The following PARN variants were observed in gnomAD, a reference collection of about 807,000 sequenced individuals.
The protein encoded by PARN is poly(A)-specific ribonuclease PARN.
A neutral mutation model predicts 102.8 loss-of-function variants in PARN; 71 were observed. The observed-to-expected ratio is 0.69, with a 90% CI of 0.57 to 0.84. The LOEUF (loss-of-function observed/expected upper bound fraction) is 0.84. Among genes scored for constraint, PARN ranks in the 40% least tolerant of loss-of-function variants. The pLI, the probability that PARN is intolerant of heterozygous loss-of-function variation, is 0.00. For synonymous variants in PARN, 261 were observed against 252.9 expected (o/e 1.03, Z -0.30); for missense variants, 782 against 760.9 (o/e 1.03, Z -0.33).
At chr16:14,447,980 AT>A (rs1961277586) in intron 22 of PARN, among the ~76,000 whole-genome samples, 1 of 146,834 alleles carries the variant, frequency 6.8e-6, no homozygotes, top group East Asian at 1.9e-4. Flanking sequence ...CTATCTATCT[AT>A]CTATCTAATC....
intron 18 of PARN, among the ~76,000 whole-genome samples, chr16:14,565,725 A>T (rs1204471704): frequency 6.6e-6 from 1 of 152,216 alleles, no homozygotes; most frequent in East Asian, 1.9e-4. Flanking sequence ...TGTCCCTTAT[A>T]GACACTGTGT....
chr16:14,459,970 G>A (rs980458793), intron 22 of PARN, among the ~76,000 whole-genome samples: 7 of 151,980 alleles, frequency 4.6e-5, no homozygotes, highest in East Asian at 1.9e-4. Flanking sequence ...CCTCATAACC[G>A]TATATAAAAA....
chr16:14,625,864 T>C (rs1972614966), intron 5 of PARN, among the ~76,000 whole-genome samples: 1 of 152,198 alleles, frequency 6.6e-6, no homozygotes, highest in Admixed American at 6.5e-5. Context: ...GAAGATAGGA[T>C]GCAAGATTTT....
At chr16:14,595,812 C>T (rs887513839) in intron 12 of PARN, among the ~76,000 whole-genome samples, 1 of 151,728 alleles carries the variant, frequency 6.6e-6, no homozygotes, top group Admixed American at 6.6e-5. Flanking sequence ...ATTACAGGAG[C>T]GAGCCACCAC....
At chr16:14,510,636 TTAG>T (rs1965138361) in intron 21 of PARN, among the ~76,000 whole-genome samples, 1 of 152,210 alleles carries the variant, frequency 6.6e-6, no homozygotes, top group African/African-American at 2.4e-5. Flanking sequence ...TTAGCTGGAC[TTAG>T]TTTCTTAATC....
chr16:14,462,964 G>A (rs570497178), intron 22 of PARN, among the ~76,000 whole-genome samples: 33 of 152,350 alleles, frequency 2.2e-4, no homozygotes, highest in South Asian at 8.3e-4. Context: ...ACTGGTTAGA[G>A]AACCCTGGGT....
intron 23 of PARN, among the ~76,000 whole-genome samples, chr16:14,440,145 T>C: frequency 6.6e-6 from 1 of 151,816 alleles, no homozygotes; most frequent in Non-Finnish European, 1.5e-5. Flanking sequence ...TAAAGAACTC[T>C]CAAAATGCAG....
intron 21 of PARN, among the ~76,000 whole-genome samples, chr16:14,549,728 T>A (rs1308450375): frequency 6.6e-6 from 1 of 152,202 alleles, no homozygotes; most frequent in African/African-American, 2.4e-5. Context: ...TACACACTGT[T>A]CACAGCAAGG....
At chr16:14,559,672 C>T (rs1967932745) in intron 18 of PARN, among the ~76,000 whole-genome samples, 1 of 152,148 alleles carries the variant, frequency 6.6e-6, no homozygotes, top group African/African-American at 2.4e-5. Context: ...CCCATAAAAG[C>T]TATTTTTTAA....
intron 21 of PARN, among the ~76,000 whole-genome samples, chr16:14,547,886 T>C (rs373528699): frequency 3.9e-4 from 60 of 152,246 alleles, no homozygotes; most frequent in East Asian, 3.1e-3. Flanking sequence ...ATTTTCTCAA[T>C]GTTACATTAT....
chr16:14,601,488 G>C lies in PARN; in HGVS notation c.784-1528C>G, dbSNP rs114194057. ...AGAGCTGCTTGATTAGTACAGTTTCGGTTTTGCAAGATGAAGAGAATTCTG... is the reference window on the plus strand; with the variant it reads ...AGAGCTGCTTGATTAGTACAGTTTCCGTTTTGCAAGATGAAGAGAATTCTG... On this transcript the variant is annotated intron_variant, in intron 11 of 23. Coordinates refer to ENST00000437198, the MANE Select transcript of PARN (RefSeq NM_002582.4). Among the ~76,000 whole-genome samples, 389 of 152,228 alleles carry C rather than the reference G, an allele frequency of 2.6e-3. 1 individual carries two copies. Among genetic ancestry groups the C allele is most frequent in the African/African-American group, 8.5e-3 (354 of 41,540 alleles).
chr16:14,473,613 G>C (rs1390685189), intron 22 of PARN, among the ~76,000 whole-genome samples: 1 of 152,208 alleles, frequency 6.6e-6, no homozygotes, highest in Non-Finnish European at 1.5e-5. Flanking sequence ...AGAAGAGGCA[G>C]TTAGAGCAGA....
At chr16:14,628,438 C>A (rs1243491832) in intron 2 of PARN, among the ~76,000 whole-genome samples, 187 bp from the exon 3 acceptor site, 1 of 152,152 alleles carries the variant, frequency 6.6e-6, no homozygotes, top group Admixed American at 6.6e-5. Flanking sequence ...TAATAATGAA[C>A]TTAGAGATGC....
chr16:14,569,551 T>C (rs551993400), intron 18 of PARN, among the ~76,000 whole-genome samples: 15 of 152,234 alleles, frequency 9.9e-5, no homozygotes, highest in African/African-American at 3.6e-4. Context: ...AGCTGAGATG[T>C]TGCACAGATA....
At chr16:14,549,501 TAG>T (rs1034110472) in intron 21 of PARN, among the ~76,000 whole-genome samples, 2 of 152,194 alleles carry the variant, frequency 1.3e-5, no homozygotes, top group African/African-American at 2.4e-5. Flanking sequence ...GCTCCCTGAT[TAG>T]AGTTACCACG....
intron 23 of PARN, among the ~76,000 whole-genome samples, chr16:14,438,864 C>T (rs930480242): frequency 1.3e-5 from 2 of 152,076 alleles, no homozygotes; most frequent in African/African-American, 2.4e-5. Context: ...ACAGGAGACC[C>T]GGACCAGAGG....
At chr16:14,472,575 T>G (rs11646874) in intron 22 of PARN, among the ~76,000 whole-genome samples, 12 of 152,046 alleles carry the variant, frequency 7.9e-5, no homozygotes, top group Admixed American at 2.0e-4. Flanking sequence ...GGTGGCGGGT[T>G]AGCAGGAAAA....
At chr16:14,457,933 T>G (rs534862534) in intron 22 of PARN, among the ~76,000 whole-genome samples, 62 of 146,436 alleles carry the variant, frequency 4.2e-4, no homozygotes, top group Admixed American at 5.5e-4. Context: ...TGTGTGTGGG[T>G]GTGTGTGTGT....
chr16:14,478,902 C>G (rs1963223945), intron 22 of PARN, among the ~76,000 whole-genome samples: 1 of 152,248 alleles, frequency 6.6e-6, no homozygotes, highest in African/African-American at 2.4e-5. Flanking sequence ...CTGCCCTCAG[C>G]CTCCTGAGTA....
Sources: gnomAD v4.1 joint callset for allele counts (sites outside exome capture counted in the v4.1 genomes callset) on GRCh38, gnomAD v4.1.1 for gene constraint, MANE v1.5 for transcripts, NCBI Gene and HGNC (gene_info 2026-07-23, HGNC 2026-07-21) for gene names.